NAA11: variants seen among roughly 807,000 people sequenced by gnomAD.
NAA11 encodes the protein N-alpha-acetyltransferase 11.
NAA11 carries 15 observed loss-of-function variants against 16.1 expected under a neutral mutation model. The observed-to-expected ratio is 0.93, with a 90% CI of 0.62 to 1.44. NAA11 has a LOEUF of 1.44. Ranked by LOEUF, NAA11 falls within the 40% of genes most tolerant of loss-of-function variation. The probability of loss-of-function intolerance (pLI) is 0.00; values close to 1 mark genes in which losing one functional copy is unlikely to be tolerated. For synonymous variants in NAA11, 122 were observed against 112.4 expected (o/e 1.09, Z -0.54); for missense variants, 298 against 291.3 (o/e 1.02, Z -0.17).
At chr4:79,303,079 TATATATATA>T (rs1723450002) in intron 1 of NAA11, among the ~76,000 whole-genome samples, 2 of 13,362 alleles carry the variant, frequency 1.5e-4, no homozygotes, top group Non-Finnish European at 3.2e-4. Flanking sequence ...AGGCCTTTTA[TATATATATA>T]TATATATATA....
chr4:79,312,265 C>T (rs1486012067), downstream of NAA11, among the ~76,000 whole-genome samples: 1 of 152,226 alleles, frequency 6.6e-6, no homozygotes, highest in Non-Finnish European at 1.5e-5. Flanking sequence ...AGACTTAACA[C>T]TCTCGTTAGA....
At chr4:79,301,967 C>T (rs1723398386) in intron 1 of NAA11, among the ~76,000 whole-genome samples, 1 of 152,116 alleles carries the variant, frequency 6.6e-6, no homozygotes, top group Non-Finnish European at 1.5e-5. Flanking sequence ...GCTTCCATAG[C>T]AGAACTAGAG....
chr4:79,236,677 G>A lies in NAA11; in HGVS notation c.*123-10407C>T, dbSNP rs374800055. Among the ~76,000 whole-genome samples, 255 of 152,190 alleles carry A rather than the reference G, an allele frequency of 1.7e-3. 1 individual carries two copies. The highest frequency in any genetic ancestry group is 0.011 in the South Asian group (55 of 4,822). The stretch of plus-strand genomic sequence containing the variant: ...AAAAATCTATTAAAACTGAATTAAA[G>A]TCTTCAAAGTTGATTTTAACATCCA... On this transcript the variant is annotated intron_variant and NMD_transcript_variant, in intron 2 of 2. Coordinates refer to the NAA11 transcript ENST00000511542.
chr4:79,180,139 A>G, the NAA11 span, among the ~76,000 whole-genome samples: 11 of 152,194 alleles, frequency 7.2e-5, no homozygotes, highest in African/African-American at 2.7e-4. Context: ...AAGCCTAACT[A>G]TATCAATGGT....
intron 2 of NAA11, among the ~76,000 whole-genome samples, chr4:79,232,227 C>A (rs1721482880): frequency 6.6e-6 from 1 of 151,836 alleles, no homozygotes; most frequent in South Asian, 2.1e-4. Flanking sequence ...ATAAATAATT[C>A]TTCTCTGCTT....
the NAA11 span, among the ~76,000 whole-genome samples, chr4:79,201,081 G>A: frequency 1.3e-4 from 20 of 150,374 alleles, no homozygotes; most frequent in Non-Finnish European, 2.2e-4. Context: ...TTTTCCTTAC[G>A]TTTCATGCTA....
At chr4:79,213,399 T>C in the NAA11 span, among the ~76,000 whole-genome samples, 143 of 152,224 alleles carry the variant, frequency 9.4e-4, no homozygotes, top group Middle Eastern at 6.8e-3. Flanking sequence ...GGTTTGAGGA[T>C]ATGTGGTCTG....
intron 2 of NAA11, among the ~76,000 whole-genome samples, chr4:79,281,263 T>C (rs1202316261): frequency 1.3e-5 from 2 of 150,596 alleles, no homozygotes; most frequent in Non-Finnish European, 3.0e-5. Flanking sequence ...AGTATGGCTA[T>C]GCAGATGGAG....
At chr4:79,179,194 GT>G in the NAA11 span, among the ~76,000 whole-genome samples, 1 of 152,046 alleles carries the variant, frequency 6.6e-6, no homozygotes, top group African/African-American at 2.4e-5. Flanking sequence ...TGATATTCTT[GT>G]TTTTTGTTTT....
At chr4:79,316,094 G>C (rs1723919412), downstream of NAA11, among the ~76,000 whole-genome samples, 1 of 152,130 alleles carries the variant, frequency 6.6e-6, no homozygotes, top group Non-Finnish European at 1.5e-5. Context: ...ATTCAGGTAA[G>C]CTGAGGCTAC....
At chr4:79,220,155 C>T in the NAA11 span, among the ~76,000 whole-genome samples, 18,056 of 152,236 alleles carry the variant, frequency 0.12, 1,310 homozygotes, top group African/African-American at 0.19. Context: ...TGCAGTGGCA[C>T]GATCTCGGCT....
At chr4:79,223,787 G>C (rs556738852), downstream of NAA11, among the ~76,000 whole-genome samples, 22 of 148,728 alleles carry the variant, frequency 1.5e-4, no homozygotes, top group Non-Finnish European at 3.0e-4. Flanking sequence ...TTACTGATTT[G>C]AGTACATGAA....
chr4:79,235,684 G>T (rs565652463), intron 2 of NAA11, among the ~76,000 whole-genome samples: 1 of 152,160 alleles, frequency 6.6e-6, no homozygotes, highest in Admixed American at 6.5e-5. Flanking sequence ...ACCACACATT[G>T]TTTGGAAAAC....
the NAA11 span, among the ~76,000 whole-genome samples, chr4:79,200,069 A>T: frequency 6.6e-6 from 1 of 151,836 alleles, no homozygotes; most frequent in African/African-American, 2.4e-5. Context: ...TCAAATATTT[A>T]TGGGGTACCT....
the NAA11 span, among the ~76,000 whole-genome samples, chr4:79,159,186 G>T: frequency 1.3e-5 from 2 of 152,172 alleles, no homozygotes; most frequent in African/African-American, 4.8e-5. Flanking sequence ...GCAATCTATA[G>T]GTCTGGCAAA....
chr4:79,177,061 T>C, the NAA11 span, among the ~76,000 whole-genome samples: 1 of 152,102 alleles, frequency 6.6e-6, no homozygotes, highest in Non-Finnish European at 1.5e-5. Context: ...AAGTAAGAAA[T>C]GAGGTTGTTG....
At chr4:79,184,395 T>C in the NAA11 span, among the ~76,000 whole-genome samples, 1 of 152,138 alleles carries the variant, frequency 6.6e-6, no homozygotes, top group Non-Finnish European at 1.5e-5. Context: ...TCCTAAAAGA[T>C]AATCACATGT....
At chr4:79,315,746 A>G (rs1433199640), downstream of NAA11, among the ~76,000 whole-genome samples, 5 of 152,124 alleles carry the variant, frequency 3.3e-5, no homozygotes, top group Non-Finnish European at 7.4e-5. Context: ...AAATGGTGCC[A>G]CAGACTCTCA....
At chr4:79,219,181 A>G in the NAA11 span, among the ~76,000 whole-genome samples, 1 of 152,136 alleles carries the variant, frequency 6.6e-6, no homozygotes, top group African/African-American at 2.4e-5. Context: ...CTCTCCTTCC[A>G]CATCTTTAGC....
Sources: gnomAD v4.1 joint callset for allele counts (sites outside exome capture counted in the v4.1 genomes callset) on GRCh38, gnomAD v4.1.1 for gene constraint, MANE v1.5 for transcripts, NCBI Gene and HGNC (gene_info 2026-07-23, HGNC 2026-07-21) for gene names.